ADARB2: variants seen among roughly 807,000 people sequenced by gnomAD.
ADARB2 encodes inactive double-stranded RNA-specific editase B2.
Under a neutral mutation model 62.2 loss-of-function variants are expected in ADARB2, and 25 were observed. The observed-to-expected ratio is 0.40, with a 90% CI of 0.29 to 0.56. The LOEUF (loss-of-function observed/expected upper bound fraction) is 0.56. Ranked by LOEUF, ADARB2 falls within the 20% of genes least tolerant of loss-of-function variation. ADARB2 has a pLI of 0.43. For synonymous variants in ADARB2, 572 were observed against 500.8 expected, an observed-to-expected ratio of 1.14 and a Z score of -1.90; for missense variants, 1,071 against 1,077.4, an observed-to-expected ratio of 0.99 and a Z score of 0.08.
intron 1 of ADARB2, among the ~76,000 whole-genome samples, chr10:1,508,076 C>G (rs187552554): frequency 6.6e-6 from 1 of 152,166 alleles, no homozygotes; most frequent in Admixed American, 6.5e-5. Flanking sequence ...CCGAGTGGTG[C>G]GTTCATCAGG....
At chr10:1,326,264 T>C (rs1831844119) in intron 3 of ADARB2, among the ~76,000 whole-genome samples, 1 of 152,216 alleles carries the variant, frequency 6.6e-6, no homozygotes, top group South Asian at 2.1e-4. Context: ...TCACTAATTA[T>C]GATGCTCTGG....
chr10:1,527,579 G>A (rs557842446), intron 1 of ADARB2, among the ~76,000 whole-genome samples: 1 of 152,296 alleles, frequency 6.6e-6, no homozygotes, highest in Non-Finnish European at 1.5e-5. Flanking sequence ...TACATAACAG[G>A]ATGATTAGAA....
At chr10:1,673,126 G>A (rs377307889) in intron 1 of ADARB2, among the ~76,000 whole-genome samples, 159 of 152,268 alleles carry the variant, frequency 1.0e-3, no homozygotes, top group African/African-American at 3.7e-3. Flanking sequence ...CAGTAATACT[G>A]ACCTGAGAGT....
intron 1 of ADARB2, among the ~76,000 whole-genome samples, chr10:1,677,466 G>C (rs929614668): frequency 6.6e-6 from 1 of 152,190 alleles, no homozygotes; most frequent in Non-Finnish European, 1.5e-5. Context: ...GTGCAGGGCT[G>C]TCAGCCACAC....
chr10:1,343,069 A>G (rs1260459440), intron 3 of ADARB2, among the ~76,000 whole-genome samples: 2 of 152,226 alleles, frequency 1.3e-5, no homozygotes, highest in Admixed American at 6.5e-5. Context: ...CATAAAAGAC[A>G]GATCTAGGGT....
chr10:1,352,358 G>C (rs150578878), intron 3 of ADARB2, among the ~76,000 whole-genome samples: 1 of 152,058 alleles, frequency 6.6e-6, no homozygotes, highest in African/African-American at 2.4e-5. Flanking sequence ...AGCTGACCCC[G>C]TAGATCCTAA....
chr10:1,598,830 T>A (rs142486744), intron 1 of ADARB2, among the ~76,000 whole-genome samples: 1 of 152,222 alleles, frequency 6.6e-6, no homozygotes, highest in East Asian at 1.9e-4. Context: ...AGCGAAGGGA[T>A]CTCCCAGGCA....
At chr10:1,654,964 T>C (rs10794784) in intron 1 of ADARB2, among the ~76,000 whole-genome samples, 106,669 of 152,146 alleles carry the variant, frequency 0.7, 37,456 homozygotes, top group East Asian at 0.76. Context: ...CAGAGTCACA[T>C]TCAGTTACAA....
chr10:1,481,212 G>A (rs1013579995), intron 1 of ADARB2, among the ~76,000 whole-genome samples: 1 of 152,234 alleles, frequency 6.6e-6, no homozygotes, highest in Non-Finnish European at 1.5e-5. Context: ...AGTCAATGCA[G>A]AAAGGATAGT....
Position 1,255,398 on chromosome 10 carries a change from TCTACACA to T in ADARB2, c.1193-13106_1193-13100del, listed in dbSNP as rs1329017428. Among the ~76,000 whole-genome samples the T allele has an allele frequency of 6.6e-6, 1 of 152,128 alleles. No homozygotes were observed. Among genetic ancestry groups the T allele is most frequent in the African/African-American group, 2.4e-5 (1 of 41,428 alleles). ...GTGCCAGGCACATGTGAGCGCTGGG[TCTACACA>T]CTAATCAAACATGCTGCTCACTCCA... On this transcript the variant is annotated intron_variant, in intron 4 of 9. Transcript: ENST00000381312. This position sits in a 1 kb window ranked among gnomAD's most constrained non-coding sequence, Gnocchi z 4.7.
chr10:1,483,285 A>C (rs147833506), intron 1 of ADARB2, among the ~76,000 whole-genome samples: 1 of 152,254 alleles, frequency 6.6e-6, no homozygotes, highest in African/African-American at 2.4e-5. Flanking sequence ...GTTTCAAACA[A>C]AGTAGTTATT....
chr10:1,205,669 C>T (rs1306777583), intron 7 of ADARB2, among the ~76,000 whole-genome samples: 4 of 152,286 alleles, frequency 2.6e-5, no homozygotes, highest in African/African-American at 9.6e-5. Flanking sequence ...GTGCCGTTAC[C>T]ACCTGGGAAG....
At chr10:1,204,641 G>A (rs1239909511) in intron 7 of ADARB2, among the ~76,000 whole-genome samples, 1 of 152,228 alleles carries the variant, frequency 6.6e-6, no homozygotes, top group East Asian at 1.9e-4. Flanking sequence ...GTCACATTGT[G>A]TAGGACGCTT....
At chr10:1,264,446 G>C (rs1831174873) in intron 4 of ADARB2, among the ~76,000 whole-genome samples, 1 of 152,228 alleles carries the variant, frequency 6.6e-6, no homozygotes, top group Non-Finnish European at 1.5e-5. Context: ...ATGATGGAAA[G>C]AGAAGTTTTA....
chr10:1,623,228 C>G (rs926261952), intron 1 of ADARB2, among the ~76,000 whole-genome samples: 15 of 152,212 alleles, frequency 9.9e-5, no homozygotes, highest in African/African-American at 3.6e-4. Context: ...CTTCCTTCTG[C>G]ACACACATCC....
chr10:1,725,067 C>T (rs1478263218), intron 1 of ADARB2, among the ~76,000 whole-genome samples: 1 of 152,172 alleles, frequency 6.6e-6, no homozygotes, highest in Non-Finnish European at 1.5e-5. Flanking sequence ...AGACGCACTG[C>T]ACTGATTCAC....
At chr10:1,377,133 T>C (rs1431180397) in intron 2 of ADARB2, among the ~76,000 whole-genome samples, 1 of 121,348 alleles carries the variant, frequency 8.2e-6, no homozygotes, top group Non-Finnish European at 1.7e-5. Flanking sequence ...GGTGCGTCCC[T>C]GGGGTGTGTG....
At chr10:1,531,767 G>A (rs191042416) in intron 1 of ADARB2, among the ~76,000 whole-genome samples, 64 of 152,222 alleles carry the variant, frequency 4.2e-4, no homozygotes, top group Admixed American at 3.3e-3. Flanking sequence ...AACCCCGGAG[G>A]CGGAGGTTGC....
At chr10:1,406,394 C>T (rs1035579057) in intron 1 of ADARB2, among the ~76,000 whole-genome samples, 1 of 152,124 alleles carries the variant, frequency 6.6e-6, no homozygotes, top group Non-Finnish European at 1.5e-5. Context: ...GGCTCGGTAC[C>T]CGGGAAGGAG....
Sources: gnomAD v4.1 joint callset for allele counts (sites outside exome capture counted in the v4.1 genomes callset) on GRCh38, gnomAD v4.1.1 for gene constraint, Gnocchi (gnomAD v3.1) non-coding constraint, MANE v1.5 for transcripts, NCBI Gene and HGNC (gene_info 2026-07-23, HGNC 2026-07-21) for gene names.